Variants in PIK3R5 observed in about 807,000 individuals in gnomAD.
PIK3R5 encodes phosphoinositide-3-kinase regulatory subunit 5.
PIK3R5 carries 32 observed loss-of-function variants against 94.9 expected under a neutral mutation model. The ratio of observed to expected loss-of-function variants is 0.34; its 90% CI spans 0.25 to 0.45. The LOEUF is 0.45. Among genes scored for constraint, PIK3R5 ranks in the 20% least tolerant of loss-of-function variants. The pLI is 1.00. For missense variants in PIK3R5, 853 were observed against 1,144.6 expected, an observed-to-expected ratio of 0.75 and a Z score of 3.68; for synonymous variants, 443 against 479.4, an observed-to-expected ratio of 0.92 and a Z score of 0.99.
chr17:8,960,680 G>A (rs1039355519), intron 1 of PIK3R5, among the ~76,000 whole-genome samples: 1 of 152,212 alleles, frequency 6.6e-6, no homozygotes, highest in African/African-American at 2.4e-5. Flanking sequence ...TAGGAGTTGG[G>A]GAGCCTGGCA....
Position 8,909,845 on chromosome 17 carries a change from C to T in PIK3R5, c.104-671G>A, listed in dbSNP as rs1405345887. ...AGTGGGTTCTGGTACCTATGAGTTGCAGGGAGGTTAGAACAGAGGCAGAAA... is the reference window on the plus strand; with the variant it reads ...AGTGGGTTCTGGTACCTATGAGTTGTAGGGAGGTTAGAACAGAGGCAGAAA... On this transcript the variant is annotated intron_variant, in intron 2 of 18. Coordinates refer to ENST00000447110, the MANE Select transcript of PIK3R5 (RefSeq NM_001142633.3). This position sits in a 1 kb window ranked among gnomAD's most constrained non-coding sequence, Gnocchi z 4.3. Among the ~76,000 whole-genome samples the T allele has an allele frequency of 7.2e-5, 11 of 152,148 alleles. No homozygotes were observed. In the South Asian group the frequency reaches 2.3e-3, roughly 32 times the overall value.
In PIK3R5 at chr17:8,943,858, G is replaced by C. The variant is rs372773505; in HGVS notation, c.-14+21738C>G. On this transcript the variant is annotated intron_variant, in intron 1 of 18. Transcript: ENST00000447110. ...AAATTGACAATAATTCTGAAACATT[G>C]TCTGCTGTACCCTAGGGAATATACT... is the stretch of plus-strand genomic sequence containing the variant. Among the ~76,000 whole-genome samples the C allele has an allele frequency of 4.0e-5, 6 of 150,986 alleles. 1 individual carries two copies. Among genetic ancestry groups the C allele is most frequent in the African/African-American group, 1.5e-4 (6 of 41,082 alleles).
rs1233751719 is a variant in PIK3R5, at chr17:8,925,482, AGATG to A, written c.-13-13979_-13-13976del. Among the ~76,000 whole-genome samples, 1 of 142,618 alleles carries A rather than the reference AGATG, an allele frequency of 7.0e-6. No individual in the cohort carries two copies. The highest frequency in any genetic ancestry group is 3.0e-5 in the African/African-American group (1 of 33,016). 93.6% of individuals were successfully genotyped at this position (142,618 alleles called of 152,430 possible). A position where few individuals can be genotyped will look rare whatever the true frequency, so the allele number is the denominator to read the frequency against. On this transcript the variant is annotated intron_variant, in intron 1 of 18. Coordinates refer to ENST00000447110, the MANE Select transcript of PIK3R5 (RefSeq NM_001142633.3). The surrounding 1 kb of genome is among the most constrained non-coding windows in gnomAD (Gnocchi z 5.1). ...AGTAGATGGATGATAGATAGATAGT[AGATG>A]GATAGATAGTAGATGGATAGATAGT... is the stretch of plus-strand genomic sequence containing the variant.
In PIK3R5 at chr17:8,892,948, G is replaced by C. The variant is rs2151378718; in HGVS notation, c.482+638C>G. ...TCAAACTGCAGGTCAGGACACAGGA[G>C]TGGGTAATGAAATCATCTGGGGAGC... On this transcript the variant is annotated intron_variant, in intron 6 of 18. Coordinates refer to ENST00000447110, the MANE Select transcript of PIK3R5 (RefSeq NM_001142633.3). This position sits in a 1 kb window ranked among gnomAD's most constrained non-coding sequence, Gnocchi z 4.3. 6.6e-6 allele frequency among the ~76,000 whole-genome samples: 1 copy of C among 152,318 alleles called. No homozygotes were observed. The highest frequency in any genetic ancestry group is 1.9e-4 in the East Asian group (1 of 5,188).
intron 1 of PIK3R5, among the ~76,000 whole-genome samples, chr17:8,964,011 C>G (rs1415261550): frequency 2.0e-5 from 3 of 152,128 alleles, no homozygotes; most frequent in Non-Finnish European, 4.4e-5. Context: ...ACAGCCACAA[C>G]GAGGAAACAC....
chr17:8,938,054 GC>G (rs1290697594), intron 1 of PIK3R5, among the ~76,000 whole-genome samples: 1 of 152,150 alleles, frequency 6.6e-6, no homozygotes, highest in East Asian at 1.9e-4. Context: ...CAGGTGATCT[GC>G]CTGCCTCAGT....
intron 1 of PIK3R5, among the ~76,000 whole-genome samples, chr17:8,954,337 G>C (rs557458236): frequency 2.6e-5 from 4 of 152,224 alleles, no homozygotes; most frequent in Non-Finnish European, 5.9e-5. Flanking sequence ...CCAGGGTCAA[G>C]TAGGCCAGGC....
intron 1 of PIK3R5, among the ~76,000 whole-genome samples, chr17:8,919,042 G>A (rs1422481576): frequency 2.6e-5 from 4 of 152,100 alleles, no homozygotes; most frequent in African/African-American, 4.8e-5. Context: ...AAGTGTTCAG[G>A]TCATCAAAGA....
rs748814468 is a variant in PIK3R5, at chr17:8,893,084, GTT to G, written c.482+500_482+501del. Among the ~76,000 whole-genome samples, 7,214 of 98,184 alleles carry G rather than the reference GTT, an allele frequency of 0.073. 207 individuals carry two copies. The highest frequency in any genetic ancestry group is 0.19 in the African/African-American group (3,205 of 17,254). The allele number at this position is 98,184 out of a possible 152,430, so 64.4% of individuals were successfully genotyped here. Reference sequence around the variant, plus strand: ...TGTGTGTGTGTGTGTGTGTGTGTGTGTTTGTGTATCAGGCTGTCATATAAAAT... The same window carrying G: ...TGTGTGTGTGTGTGTGTGTGTGTGTGTGTGTATCAGGCTGTCATATAAAAT... On this transcript the variant is annotated intron_variant, in intron 6 of 18. Transcript: ENST00000447110. The surrounding 1 kb of genome is among the most constrained non-coding windows in gnomAD (Gnocchi z 5.1).
At chr17:8,943,177 T>C (rs2091216819) in intron 1 of PIK3R5, among the ~76,000 whole-genome samples, 1 of 151,474 alleles carries the variant, frequency 6.6e-6, no homozygotes, top group Non-Finnish European at 1.5e-5. Context: ...CAGGCTCAAA[T>C]AATCCTCCCA....
At chr17:8,898,722 T>C (rs1019086167) in intron 5 of PIK3R5, among the ~76,000 whole-genome samples, 2 of 152,210 alleles carry the variant, frequency 1.3e-5, no homozygotes, top group African/African-American at 2.4e-5. Flanking sequence ...TCATCAACGA[T>C]AATTATAATC....
Position 8,887,670 on chromosome 17 carries a change from T to C in PIK3R5, c.1630A>G (p.Asn544Asp). 1 of 1,600,178 alleles carries C rather than the reference T, an allele frequency of 6.2e-7. No individual in the cohort carries two copies. Among genetic ancestry groups the C allele is most frequent in the Non-Finnish European group, 8.5e-7 (1 of 1,173,306 alleles). The stretch of plus-strand genomic sequence containing the variant: ...AAGAACCGTGTGAGGAGTGGGCGAT[T>C]GTTCTCCAGCCGCCTGGCAAGAAGA... ...AYSNLRRLENNRPLLTRFFKL... is the reference protein window; with the variant it reads ...AYSNLRRLENDRPLLTRFFKL... Residue 544 changes from asparagine (N) to aspartate (D), a missense_variant, in exon 11 of 19, where the codon AAT becomes GAT. Asn to Asp is a conservative substitution (Grantham distance 23). This residue lies in a region of PIK3R5 where 319 missense variants were observed against 339.8 expected (regional missense o/e 0.94). Coordinates refer to ENST00000447110, the MANE Select transcript of PIK3R5 (RefSeq NM_001142633.3).
chr17:8,959,661 G>A (rs912382658), intron 1 of PIK3R5, among the ~76,000 whole-genome samples: 10 of 152,192 alleles, frequency 6.6e-5, no homozygotes, highest in Non-Finnish European at 1.2e-4. Context: ...TGCCTGAAAA[G>A]GGCCAAACCA....
At chr17:8,953,818 T>C (rs1358922941) in intron 1 of PIK3R5, among the ~76,000 whole-genome samples, 1 of 152,150 alleles carries the variant, frequency 6.6e-6, no homozygotes, top group African/African-American at 2.4e-5. Context: ...CACAAGCTCG[T>C]GTTTCTGTGA....
At chr17:8,959,126 G>A (rs868183991) in intron 1 of PIK3R5, among the ~76,000 whole-genome samples, 6 of 152,270 alleles carry the variant, frequency 3.9e-5, no homozygotes, top group Middle Eastern at 3.4e-3. Context: ...TCCAACAACA[G>A]AGCAGTGGCC....
chr17:8,891,602 T>C (rs1359498731), intron 6 of PIK3R5, among the ~76,000 whole-genome samples: 1 of 151,358 alleles, frequency 6.6e-6, no homozygotes, highest in Non-Finnish European at 1.5e-5. Flanking sequence ...TTTCTCTTTT[T>C]TTTTTTTTTT....
At chr17:8,963,526 CT>C (rs5819210) in intron 1 of PIK3R5, among the ~76,000 whole-genome samples, 95,359 of 145,690 alleles carry the variant, frequency 0.65, 33,039 homozygotes, top group Non-Finnish European at 0.79. Context: ...TCTTCTTCTT[CT>C]TTTTTTTTTT....
chr17:8,922,066 C>G (rs1406201331), intron 1 of PIK3R5, among the ~76,000 whole-genome samples: 1 of 151,060 alleles, frequency 6.6e-6, no homozygotes, highest in Non-Finnish European at 1.5e-5. Flanking sequence ...TCCTGTATAA[C>G]TCAACAACAA....
At position 8,909,710 on chromosome 17, in the gene PIK3R5, G is replaced by A. The variant is rs2090482696; in HGVS notation, c.104-536C>T. Among the ~76,000 whole-genome samples the A allele has an allele frequency of 6.6e-6, 1 of 152,232 alleles. No individual in the cohort carries two copies. The highest frequency in any genetic ancestry group is 2.1e-4 in the South Asian group (1 of 4,836). ...TTCCTGCATATGCAAGAGACACAGG[G>A]ATTGGAGATGCAGGCTGGGAAGCCC... On this transcript the variant is annotated intron_variant, in intron 2 of 18. Transcript: ENST00000447110. The surrounding 1 kb of genome is among the most constrained non-coding windows in gnomAD (Gnocchi z 4.3).
Sources: allele counts gnomAD v4.1 joint callset (sites outside exome capture counted in the v4.1 genomes callset), GRCh38; gene constraint gnomAD v4.1.1; regional missense constraint gnomAD v4.1.1; non-coding constraint Gnocchi (gnomAD v3.1); transcripts MANE v1.5; gene names NCBI Gene and HGNC (gene_info 2026-07-23, HGNC 2026-07-21).